CHN2: variants seen among roughly 807,000 people sequenced by gnomAD.
The protein encoded by CHN2 is beta-chimaerin.
Under a neutral mutation model 56.3 loss-of-function variants are expected in CHN2, and 35 were observed. The observed-to-expected ratio is 0.62, with a 90% CI of 0.47 to 0.82. The LOEUF (loss-of-function observed/expected upper bound fraction) is 0.82. CHN2 is among the 40% of genes least tolerant of loss of function. CHN2 has a pLI of 0.00. For missense variants in CHN2, 491 were observed against 580.5 expected, an observed-to-expected ratio of 0.85 and a Z score of 1.58; for synonymous variants, 210 against 212.8, an observed-to-expected ratio of 0.99 and a Z score of 0.12.
intron 2 of CHN2, among the ~76,000 whole-genome samples, chr7:29,181,724 T>G (rs926553600): frequency 5.3e-5 from 8 of 152,212 alleles, no homozygotes; most frequent in African/African-American, 1.4e-4. Flanking sequence ...CTAAATAAAG[T>G]AGACACTAAT....
In CHN2 at chr7:29,327,239, A is replaced by G. The variant is rs531875514; in HGVS notation, c.50-27386A>G. On this transcript the variant is annotated intron_variant, in intron 1 of 12. Coordinates refer to ENST00000222792, the MANE Select transcript of CHN2 (RefSeq NM_004067.4). ...TTCACAGAAGTGAGCTCCCCAGACCACTGACATAAGCATCCCTTGGGAACT... is the reference window on the plus strand; with the variant it reads ...TTCACAGAAGTGAGCTCCCCAGACCGCTGACATAAGCATCCCTTGGGAACT... Among the ~76,000 whole-genome samples, 3 of 152,334 alleles carry G rather than the reference A, an allele frequency of 2.0e-5. No individual in the cohort carries two copies. In the South Asian group the frequency reaches 6.2e-4, roughly 32 times the overall value.
intron 2 of CHN2, among the ~76,000 whole-genome samples, chr7:29,158,619 G>C (rs1794753135): frequency 6.6e-6 from 1 of 152,180 alleles, no homozygotes; most frequent in Non-Finnish European, 1.5e-5. Flanking sequence ...AGAGCTGACT[G>C]TATGCCTGAA....
In CHN2 at chr7:29,501,025, C is replaced by T. The variant is rs1583420521; in HGVS notation, c.913+985C>T. Among the ~76,000 whole-genome samples the T allele has an allele frequency of 2.0e-5, 3 of 152,260 alleles. No individual in the cohort carries two copies. In the South Asian group the frequency reaches 6.2e-4, roughly 32 times the overall value. On this transcript the variant is annotated intron_variant, in intron 9 of 12. Coordinates refer to ENST00000222792, the MANE Select transcript of CHN2 (RefSeq NM_004067.4). ...TTCTATAAGGCTTAAACCACTTTTG[C>T]CATGTATCATATTCTGTTATACTGG...
At chr7:29,504,327 T>A (rs1790316302) in intron 9 of CHN2, among the ~76,000 whole-genome samples, 1 of 152,074 alleles carries the variant, frequency 6.6e-6, no homozygotes, top group Non-Finnish European at 1.5e-5. Flanking sequence ...ATATACCCCA[T>A]AAATATATAC....
chr7:29,251,395 A>C (rs932344562), intron 1 of CHN2, among the ~76,000 whole-genome samples: 1 of 152,132 alleles, frequency 6.6e-6, no homozygotes, highest in Non-Finnish European at 1.5e-5. Context: ...TCAAGACTGC[A>C]GTGAGCCGTG....
At chr7:29,197,754 C>T in intron 1 of CHN2, among the ~76,000 whole-genome samples, 1 of 152,298 alleles carries the variant, frequency 6.6e-6, no homozygotes, top group East Asian at 1.9e-4. Context: ...TTCCCTTATC[C>T]TCCAGCAGCC....
chr7:29,245,248 A>G (rs1787979175), intron 1 of CHN2, among the ~76,000 whole-genome samples: 1 of 152,222 alleles, frequency 6.6e-6, no homozygotes, highest in Non-Finnish European at 1.5e-5. Context: ...TTCAAGGTGG[A>G]TAGGATCTGT....
chr7:29,402,432 G>A (rs1393900968), intron 6 of CHN2, among the ~76,000 whole-genome samples: 1 of 152,174 alleles, frequency 6.6e-6, no homozygotes, highest in East Asian at 1.9e-4. Context: ...AAAGAGAGAG[G>A]ACTTGAGTCC....
At chr7:29,461,167 T>C (rs1180967448) in intron 6 of CHN2, among the ~76,000 whole-genome samples, 2 of 152,220 alleles carry the variant, frequency 1.3e-5, no homozygotes, top group Non-Finnish European at 2.9e-5. Flanking sequence ...CTCAAGGACA[T>C]GCCCTTAGTT....
At chr7:29,277,185 T>A (rs926010529) in intron 1 of CHN2, among the ~76,000 whole-genome samples, 18 of 152,146 alleles carry the variant, frequency 1.2e-4, no homozygotes, top group Admixed American at 2.0e-4. Context: ...CAGATGCAGA[T>A]CATTAGCTGA....
At chr7:29,313,268 A>T (rs530120823) in intron 1 of CHN2, among the ~76,000 whole-genome samples, 11 of 152,316 alleles carry the variant, frequency 7.2e-5, no homozygotes, top group Admixed American at 2.6e-4. Context: ...TTCCTGGGTT[A>T]ATGCCTGCAT....
At position 29,462,473 on chromosome 7, in the gene CHN2, C is replaced by T. The variant is rs185201642; in HGVS notation, c.577-17806C>T. Among the ~76,000 whole-genome samples the T allele has an allele frequency of 1.5e-3, 222 of 152,310 alleles. 3 individuals carry two copies. Among genetic ancestry groups the T allele is most frequent in the African/African-American group, 5.1e-3 (214 of 41,576 alleles). ...AGAAGACTCAAAGTCTTGAGGGGAA[C>T]TCAACATCTGGGGGCTGGAATCATT... On this transcript the variant is annotated intron_variant, in intron 6 of 12. Transcript: ENST00000222792.
chr7:29,334,049 C>CTTTT (rs70980529), intron 1 of CHN2, among the ~76,000 whole-genome samples: 30 of 123,124 alleles, frequency 2.4e-4, no homozygotes, highest in African/African-American at 3.8e-4. Flanking sequence ...AATTTCTTTT[C>CTTTT]TTTTTTTTTT....
chr7:29,202,456 A>G (rs1784232536), intron 1 of CHN2, among the ~76,000 whole-genome samples: 1 of 152,242 alleles, frequency 6.6e-6, no homozygotes, highest in South Asian at 2.1e-4. Context: ...TTCTGTTACC[A>G]TCCTCAAGTG....
chr7:29,349,506 C>G (rs1327606209), intron 1 of CHN2, among the ~76,000 whole-genome samples: 1 of 152,190 alleles, frequency 6.6e-6, no homozygotes, highest in Non-Finnish European at 1.5e-5. Context: ...CTCTCATTTT[C>G]ATGACTAAAT....
intron 2 of CHN2, among the ~76,000 whole-genome samples, chr7:29,148,944 TA>T (rs10718989): frequency 0.013 from 2,004 of 152,036 alleles, 77 homozygotes; most frequent in Admixed American, 0.069. Flanking sequence ...AGCTAGACAT[TA>T]AAAAATGAAT....
At chr7:29,416,988 T>G (rs2128102326) in intron 6 of CHN2, among the ~76,000 whole-genome samples, 1 of 152,298 alleles carries the variant, frequency 6.6e-6, no homozygotes, top group African/African-American at 2.4e-5. Context: ...TCAGGGCCAG[T>G]GGCTGTGTGG....
intron 1 of CHN2, among the ~76,000 whole-genome samples, chr7:29,310,072 A>G (rs7780186): frequency 0.24 from 36,547 of 152,150 alleles, 4,961 homozygotes; most frequent in Non-Finnish European, 0.31. Flanking sequence ...AATTCTTGTG[A>G]AGAGTACAAT....
At chr7:29,374,447 A>C (rs10235538) in intron 3 of CHN2, among the ~76,000 whole-genome samples, 2,177 of 152,240 alleles carry the variant, frequency 0.014, 53 homozygotes, top group African/African-American at 0.049. Context: ...GTGATCTACC[A>C]AAGTGCATAC....
Sources: gnomAD v4.1 joint callset for allele counts (sites outside exome capture counted in the v4.1 genomes callset) on GRCh38, gnomAD v4.1.1 for gene constraint, MANE v1.5 for transcripts, NCBI Gene and HGNC (gene_info 2026-07-23, HGNC 2026-07-21) for gene names.